The following EYA2 variants were observed in gnomAD, a reference collection of about 807,000 sequenced individuals.
The protein encoded by EYA2 is EYA transcriptional coactivator and phosphatase 2.
Under a neutral mutation model 69.2 loss-of-function variants are expected in EYA2, and 31 were observed. The observed-to-expected ratio is 0.45, with a 90% CI of 0.34 to 0.60. EYA2 has a LOEUF of 0.60. Ranked by LOEUF, EYA2 falls within the 20% of genes least tolerant of loss-of-function variation. The pLI is 0.02. For missense variants in EYA2, 622 were observed against 701.2 expected, an observed-to-expected ratio of 0.89 and a Z score of 1.28; for synonymous variants, 257 against 279.4, an observed-to-expected ratio of 0.92 and a Z score of 0.80.
In EYA2 at chr20:47,001,445, C is replaced by T; in HGVS notation, c.127C>T (p.Pro43Ser). 6.2e-7 allele frequency: 1 copy of T among 1,614,174 alleles called. No individual in the cohort carries two copies. The highest frequency in any genetic ancestry group is 1.3e-5 in the African/African-American group (1 of 75,048). ...TCCTGCAGGCATCACCAAATCGGCC[C>T]CCCTGAGAGTGTCCCAGCTCTTCTC... The part of the protein sequence containing the change: ...SDRQGITKSA[P>S]LRVSQLFSRS... The change falls in exon 3 of 16, where the codon CCC (proline) becomes TCC (serine). Residue 43 changes from proline (P) to serine (S), a missense_variant. Pro to Ser is a moderately conservative substitution (Grantham distance 74). Transcript: ENST00000327619.
intron 7 of EYA2, 85 bp downstream of exon 7, chr20:47,074,420 TAACA>T (rs2031435218): frequency 1.4e-6 from 2 of 1,409,948 alleles, no homozygotes; most frequent in African/African-American, 1.4e-5. Flanking sequence ...GTCCCAATTG[TAACA>T]AACAGGTTAC....
intron 9 of EYA2, among the ~76,000 whole-genome samples, chr20:47,135,837 AAAAACAAACAAACAAAC>A (rs1238389800): frequency 4.7e-4 from 39 of 82,460 alleles, no homozygotes; most frequent in African/African-American, 9.6e-4. Flanking sequence ...AAAAAAAAAA[AAAAACAAACAAACAAAC>A]AAAAAACTAA....
chr20:47,058,257 T>G (rs779971397), intron 5 of EYA2, among the ~76,000 whole-genome samples: 7 of 152,210 alleles, frequency 4.6e-5, no homozygotes, highest in Non-Finnish European at 8.8e-5. Context: ...GAGATGTTAG[T>G]CCCATAGGCT....
intron 1 of EYA2, among the ~76,000 whole-genome samples, chr20:46,913,339 G>C (rs933585738): frequency 1.3e-5 from 2 of 152,184 alleles, no homozygotes. Flanking sequence ...GGCTGGAGCT[G>C]AGTGAGAGGA....
intron 1 of EYA2, among the ~76,000 whole-genome samples, chr20:46,951,581 A>C (rs779611795): frequency 6.6e-6 from 1 of 152,202 alleles, no homozygotes; most frequent in Non-Finnish European, 1.5e-5. Flanking sequence ...CTGAAGGGCA[A>C]CCGGGCTATG....
At chr20:46,984,268 A>C (rs2146317705) in intron 1 of EYA2, among the ~76,000 whole-genome samples, 1 of 152,346 alleles carries the variant, frequency 6.6e-6, no homozygotes, top group East Asian at 1.9e-4. Context: ...GTTCTACAAA[A>C]GATAATAGAA....
At chr20:46,965,260 C>G (rs1013016173) in intron 1 of EYA2, among the ~76,000 whole-genome samples, 3 of 152,220 alleles carry the variant, frequency 2.0e-5, no homozygotes, top group African/African-American at 7.2e-5. Context: ...GAGTTCAAAC[C>G]CACAGCCAGC....
chr20:46,960,198 A>G (rs1979388415), intron 1 of EYA2, among the ~76,000 whole-genome samples: 1 of 152,162 alleles, frequency 6.6e-6, no homozygotes, highest in African/African-American at 2.4e-5. Flanking sequence ...CTCGGCATGT[A>G]TTCACTCATT....
chr20:47,003,685 T>C (rs1982517546), intron 3 of EYA2, among the ~76,000 whole-genome samples: 1 of 152,388 alleles, frequency 6.6e-6, no homozygotes, highest in South Asian at 2.1e-4. Flanking sequence ...GGATTGGATG[T>C]GGCCCCTGGG....
chr20:46,977,267 T>A (rs1007387142), intron 1 of EYA2, among the ~76,000 whole-genome samples: 1 of 152,252 alleles, frequency 6.6e-6, no homozygotes, highest in Non-Finnish European at 1.5e-5. Context: ...TTATCTGAAA[T>A]TTTAAAATGT....
chr20:46,940,669 T>C (rs1302178625), intron 1 of EYA2, among the ~76,000 whole-genome samples: 1 of 152,146 alleles, frequency 6.6e-6, no homozygotes, highest in African/African-American at 2.4e-5. Context: ...TTCTGTTCTG[T>C]GAGAGTGGCC....
At chr20:46,917,498 C>CACTG (rs1379604831) in intron 1 of EYA2, among the ~76,000 whole-genome samples, 1 of 152,206 alleles carries the variant, frequency 6.6e-6, no homozygotes, top group African/African-American at 2.4e-5. Context: ...AGACTATGAC[C>CACTG]ACTGGCCCAT....
intron 1 of EYA2, among the ~76,000 whole-genome samples, chr20:46,908,095 G>A (rs1424636286): frequency 1.3e-5 from 2 of 152,074 alleles, no homozygotes; most frequent in African/African-American, 2.4e-5. Flanking sequence ...TATGGAAATG[G>A]CACTTATTTA....
intron 10 of EYA2, among the ~76,000 whole-genome samples, chr20:47,154,089 C>G (rs895154387): frequency 1.3e-5 from 2 of 152,028 alleles, no homozygotes; most frequent in African/African-American, 4.8e-5. Context: ...TTCTTTCTCC[C>G]AGTTCTGCAG....
At chr20:47,004,892 A>C in intron 3 of EYA2, 50 bp from the exon 4 acceptor site, 1 of 1,613,772 alleles carries the variant, frequency 6.2e-7, no homozygotes, top group South Asian at 1.1e-5. Flanking sequence ...ATAAGGAAGA[A>C]GGGGTGCCAG....
rs749553746 is a variant in EYA2, at chr20:47,156,157, T to C, written c.979-12982T>C. ...ATATATATATATATATATATATATA[T>C]ATATATATATATATATATATATATA... On this transcript the variant is annotated intron_variant, in intron 10 of 15. Coordinates refer to ENST00000327619, the MANE Select transcript of EYA2 (RefSeq NM_005244.5). 4.5e-3 allele frequency among the ~76,000 whole-genome samples: 157 copies of C among 34,598 alleles called. 9 individuals carry two copies. The highest frequency in any genetic ancestry group is 1.0e-2 in the East Asian group (10 of 1,002). 22.7% of individuals were successfully genotyped at this position (34,598 alleles called of 152,430 possible).
chr20:46,977,530 T>C (rs1487213117), intron 1 of EYA2, among the ~76,000 whole-genome samples: 1 of 152,138 alleles, frequency 6.6e-6, no homozygotes, highest in Non-Finnish European at 1.5e-5. Flanking sequence ...TGAAGGCCCT[T>C]AAAGGACAGG....
intron 1 of EYA2, among the ~76,000 whole-genome samples, chr20:46,903,443 G>A (rs1984210521): frequency 1.3e-5 from 2 of 152,300 alleles, no homozygotes; most frequent in Middle Eastern, 3.4e-3. Flanking sequence ...TTCCCTCAAT[G>A]CGTTGTGCAG....
chr20:47,076,595 AC>A (rs933495445), intron 7 of EYA2, among the ~76,000 whole-genome samples: 1 of 152,060 alleles, frequency 6.6e-6, no homozygotes, highest in African/African-American at 2.4e-5. Flanking sequence ...GTTTTAGGAA[AC>A]CCTTTTGATT....
Sources: gnomAD v4.1 joint callset for allele counts (sites outside exome capture counted in the v4.1 genomes callset) on GRCh38, gnomAD v4.1.1 for gene constraint, MANE v1.5 for transcripts, NCBI Gene and HGNC (gene_info 2026-07-23, HGNC 2026-07-21) for gene names.